Variants in UBE2E2 observed in about 807,000 individuals in gnomAD.
The protein encoded by UBE2E2 is ubiquitin conjugating enzyme E2 E2.
Under a neutral mutation model 24.7 loss-of-function variants are expected in UBE2E2, and 6 were observed. That is an observed-to-expected ratio of 0.24 (90% CI 0.13 to 0.48). The LOEUF is 0.48. Ranked by LOEUF, UBE2E2 falls within the 20% of genes least tolerant of loss-of-function variation. The probability of loss-of-function intolerance (pLI) is 0.99; values close to 1 mark genes in which losing one functional copy is unlikely to be tolerated. For missense variants in UBE2E2, 169 were observed against 245.0 expected, an observed-to-expected ratio of 0.69 and a Z score of 2.07; for synonymous variants, 104 against 83.6, an observed-to-expected ratio of 1.24 and a Z score of -1.33.
At chr3:23,534,941 T>G (rs1695215799) in intron 5 of UBE2E2, among the ~76,000 whole-genome samples, 1 of 152,258 alleles carries the variant, frequency 6.6e-6, no homozygotes, top group Non-Finnish European at 1.5e-5. Flanking sequence ...TTTCTCACTC[T>G]TATCCATACA....
At chr3:23,507,384 T>A (rs934479939) in intron 4 of UBE2E2, among the ~76,000 whole-genome samples, 2 of 152,238 alleles carry the variant, frequency 1.3e-5, no homozygotes, top group African/African-American at 4.8e-5. Flanking sequence ...CCAATTAGCA[T>A]GTAAGCTCAA....
chr3:23,245,450 T>C (rs1697370529), intron 3 of UBE2E2, among the ~76,000 whole-genome samples: 1 of 152,168 alleles, frequency 6.6e-6, no homozygotes, highest in Admixed American at 6.5e-5. Flanking sequence ...GTAAATCTTA[T>C]TTTCTTTCTA....
chr3:23,217,762 G>C (rs1696517610), intron 3 of UBE2E2, among the ~76,000 whole-genome samples: 1 of 151,970 alleles, frequency 6.6e-6, no homozygotes, highest in Non-Finnish European at 1.5e-5. Context: ...TGTCGTCATT[G>C]GTTGTGACTA....
At chr3:23,470,184 A>G (rs906593418) in intron 3 of UBE2E2, among the ~76,000 whole-genome samples, 3 of 152,206 alleles carry the variant, frequency 2.0e-5, no homozygotes, top group African/African-American at 2.4e-5. Flanking sequence ...TAGAGTTTCA[A>G]AAGAGATACT....
intron 5 of UBE2E2, among the ~76,000 whole-genome samples, chr3:23,549,996 G>C (rs185136265): frequency 1.5e-3 from 229 of 149,114 alleles, no homozygotes; most frequent in African/African-American, 5.4e-3. Flanking sequence ...TCGCACCATT[G>C]CACTCCAGCC....
chr3:23,345,902 T>G (rs760308225), intron 3 of UBE2E2, among the ~76,000 whole-genome samples: 1 of 152,154 alleles, frequency 6.6e-6, no homozygotes, highest in Non-Finnish European at 1.5e-5. Context: ...AGTAGGAAAG[T>G]GATAAACTGA....
At chr3:23,575,411 C>G (rs991316690) in intron 5 of UBE2E2, among the ~76,000 whole-genome samples, 1 of 152,018 alleles carries the variant, frequency 6.6e-6, no homozygotes, top group East Asian at 1.9e-4. Context: ...AAATTTTGAC[C>G]GAGTACTGAG....
At chr3:23,345,410 T>G (rs1695524389) in intron 3 of UBE2E2, among the ~76,000 whole-genome samples, 3 of 152,218 alleles carry the variant, frequency 2.0e-5, no homozygotes, top group African/African-American at 7.2e-5. Flanking sequence ...CAACAACTTT[T>G]TGTGTGTTTA....
intron 3 of UBE2E2, among the ~76,000 whole-genome samples, chr3:23,490,274 T>C (rs1265825324): frequency 2.0e-5 from 3 of 152,200 alleles, no homozygotes; most frequent in Non-Finnish European, 2.9e-5. Flanking sequence ...AAATTTTAAA[T>C]CTGAAAAACT....
intron 3 of UBE2E2, among the ~76,000 whole-genome samples, chr3:23,329,681 T>C (rs1460779305): frequency 6.6e-6 from 1 of 152,218 alleles, no homozygotes; most frequent in East Asian, 1.9e-4. Flanking sequence ...GTTGTTCTGA[T>C]TGTTGGCTAG....
chr3:23,247,482 G>A (rs1403799999), intron 3 of UBE2E2, among the ~76,000 whole-genome samples: 1 of 151,950 alleles, frequency 6.6e-6, no homozygotes, highest in Admixed American at 6.6e-5. Context: ...AGCCTCCTGA[G>A]TAGCTGGGAT....
rs1301322042 is a variant in UBE2E2, at chr3:23,474,732, C to T, written c.228-24876C>T. Among the ~76,000 whole-genome samples, 2 of 151,980 alleles carry T rather than the reference C, an allele frequency of 1.3e-5. No homozygotes were observed. Among genetic ancestry groups the T allele is most frequent in the African/African-American group, 2.4e-5 (1 of 41,298 alleles). On this transcript the variant is annotated intron_variant, in intron 3 of 5. Coordinates refer to ENST00000396703, the MANE Select transcript of UBE2E2 (RefSeq NM_152653.4). The surrounding 1 kb of genome is among the most constrained non-coding windows in gnomAD (Gnocchi z 4.0). Reference sequence around the variant, plus strand: ...ACAGTCTTACACAGTCTTCATCTTCCTCCCCTTTCCTCCTTCCTTCCTGTC... The same window carrying T: ...ACAGTCTTACACAGTCTTCATCTTCTTCCCCTTTCCTCCTTCCTTCCTGTC...
chr3:23,467,894 G>C (rs570359938), intron 3 of UBE2E2, among the ~76,000 whole-genome samples: 1 of 152,164 alleles, frequency 6.6e-6, no homozygotes, highest in Non-Finnish European at 1.5e-5. Flanking sequence ...CTGCAGGAGA[G>C]AGACAGTGAA....
At chr3:23,274,533 T>C (rs942978736) in intron 3 of UBE2E2, among the ~76,000 whole-genome samples, 14 of 151,932 alleles carry the variant, frequency 9.2e-5, no homozygotes, top group African/African-American at 3.1e-4. Flanking sequence ...TTTTTTTTTT[T>C]GTATTTTTTA....
At chr3:23,226,757 G>T (rs186614947) in intron 3 of UBE2E2, among the ~76,000 whole-genome samples, 3 of 152,278 alleles carry the variant, frequency 2.0e-5, no homozygotes, top group African/African-American at 7.2e-5. Flanking sequence ...TTTCTAGGAA[G>T]GGTGTTAAAA....
chr3:23,444,121 C>A (rs1698371846), intron 3 of UBE2E2, among the ~76,000 whole-genome samples: 1 of 136,520 alleles, frequency 7.3e-6, no homozygotes, highest in Non-Finnish European at 1.5e-5. Flanking sequence ...TAAAATATGA[C>A]TTATGTCCCT....
chr3:23,278,817 A>G (rs1698424745), intron 3 of UBE2E2, among the ~76,000 whole-genome samples: 1 of 152,172 alleles, frequency 6.6e-6, no homozygotes, highest in East Asian at 1.9e-4. Flanking sequence ...TACATTTTGC[A>G]TAAGCACATT....
intron 4 of UBE2E2, among the ~76,000 whole-genome samples, chr3:23,519,795 A>G (rs1694819031): frequency 6.6e-6 from 1 of 151,422 alleles, no homozygotes. Flanking sequence ...TCCCTCCTCA[A>G]CCTTCTGACT....
chr3:23,455,579 T>G (rs1401695195), intron 3 of UBE2E2, among the ~76,000 whole-genome samples: 1 of 152,098 alleles, frequency 6.6e-6, no homozygotes, highest in African/African-American at 2.4e-5. Flanking sequence ...GGCTAATTTT[T>G]TAAGTTTTCA....
Sources: gnomAD v4.1 joint callset for allele counts (sites outside exome capture counted in the v4.1 genomes callset) on GRCh38, gnomAD v4.1.1 for gene constraint, Gnocchi (gnomAD v3.1) non-coding constraint, MANE v1.5 for transcripts, NCBI Gene and HGNC (gene_info 2026-07-23, HGNC 2026-07-21) for gene names.